The following CCDC3 variants were observed in gnomAD, a reference collection of about 807,000 sequenced individuals.
CCDC3 encodes the protein coiled-coil domain containing 3, also known as coiled-coil domain-containing protein 3.
A neutral mutation model predicts 21.4 loss-of-function variants in CCDC3; 24 were observed. That is an observed-to-expected ratio of 1.12 (90% CI 0.81 to 1.58). The LOEUF (loss-of-function observed/expected upper bound fraction) is 1.58. CCDC3 is among the 40% of genes most tolerant of loss of function. The probability of loss-of-function intolerance (pLI) is 0.00; values close to 1 mark genes in which losing one functional copy is unlikely to be tolerated. For synonymous variants in CCDC3, 186 were observed against 166.0 expected (o/e 1.12, Z -0.93); for missense variants, 425 against 360.9 (o/e 1.18, Z -1.44).
intron 2 of CCDC3, among the ~76,000 whole-genome samples, chr10:12,902,013 C>T (rs1261525521): frequency 6.6e-6 from 1 of 152,150 alleles, no homozygotes; most frequent in Non-Finnish European, 1.5e-5. Context: ...GTAATGTGTC[C>T]CCCTCCCCAG....
chr10:13,029,555 G>A (rs1836271135), intron 5 of CCDC3, among the ~76,000 whole-genome samples: 1 of 152,122 alleles, frequency 6.6e-6, no homozygotes, highest in Non-Finnish European at 1.5e-5. Flanking sequence ...GCTAAAGGAG[G>A]ATGTCCGAAC....
intron 3 of CCDC3, among the ~76,000 whole-genome samples, chr10:13,076,527 G>A (rs1307848757): frequency 6.6e-6 from 1 of 152,222 alleles, no homozygotes; most frequent in Non-Finnish European, 1.5e-5. Context: ...AGTGTTAGAA[G>A]TAATAGTTCC....
intron 5 of CCDC3, among the ~76,000 whole-genome samples, chr10:13,026,510 T>C (rs937635290): frequency 6.6e-6 from 1 of 152,230 alleles, no homozygotes; most frequent in African/African-American, 2.4e-5. Flanking sequence ...GTTTGAAGAA[T>C]ATGAGTGCTT....
At chr10:12,918,272 C>A (rs1289797079) in intron 2 of CCDC3, among the ~76,000 whole-genome samples, 2 of 152,066 alleles carry the variant, frequency 1.3e-5, no homozygotes, top group African/African-American at 2.4e-5. Context: ...TAGGATATTC[C>A]TTTTTCAAAA....
intron 3 of CCDC3, among the ~76,000 whole-genome samples, chr10:13,085,954 G>A (rs963142966): frequency 6.8e-6 from 1 of 146,604 alleles, no homozygotes; most frequent in Admixed American, 7.0e-5. Flanking sequence ...GTGACAGAGA[G>A]AGACTCCCTC....
intron 2 of CCDC3, among the ~76,000 whole-genome samples, chr10:12,964,108 C>G (rs944963624): frequency 1.3e-5 from 2 of 152,162 alleles, no homozygotes; most frequent in African/African-American, 4.8e-5. Context: ...AGCGGTGGCT[C>G]ATGCCTGTGA....
chr10:13,091,602 C>A (rs1009193501), intron 3 of CCDC3, among the ~76,000 whole-genome samples: 2 of 152,200 alleles, frequency 1.3e-5, no homozygotes, highest in African/African-American at 2.4e-5. Context: ...CTGCTACCCT[C>A]CATTCAGTCG....
intron 2 of CCDC3, among the ~76,000 whole-genome samples, chr10:12,933,928 C>T (rs1223260085): frequency 6.7e-6 from 1 of 150,328 alleles, no homozygotes; most frequent in Non-Finnish European, 1.5e-5. Context: ...TTTCTGTTTT[C>T]ACTTTCATTG....
At chr10:13,039,176 G>A (rs999155408) in intron 5 of CCDC3, among the ~76,000 whole-genome samples, 1 of 152,134 alleles carries the variant, frequency 6.6e-6, no homozygotes, top group South Asian at 2.1e-4. Flanking sequence ...AGCACTTTGG[G>A]AGGCCGAGGC....
At chr10:12,985,173 A>G (rs73583849) in intron 2 of CCDC3, among the ~76,000 whole-genome samples, 2,315 of 152,318 alleles carry the variant, frequency 0.015, 62 homozygotes, top group African/African-American at 0.053. Flanking sequence ...AGTTTGTGGC[A>G]TATAAATCGT....
chr10:13,061,569 C>T (rs997381529), intron 4 of CCDC3, among the ~76,000 whole-genome samples: 1 of 152,042 alleles, frequency 6.6e-6, no homozygotes, highest in Non-Finnish European at 1.5e-5. Flanking sequence ...GGGTGCAGCT[C>T]GGTTTTATAC....
rs373580749 is a variant in CCDC3 at position 13,061,917 on chromosome 10, A to C, written c.-270+11951T>G. ...CTCCTCAGGATTGGGAGGGCCTGGA[A>C]GAAAAAGATCTAGCTATGTTAACAG... is the stretch of plus-strand genomic sequence containing the variant. On this transcript the variant is annotated intron_variant, in intron 4 of 6. Transcript: ENST00000378839. 2.6e-5 allele frequency among the ~76,000 whole-genome samples: 4 copies of C among 152,312 alleles called. No homozygotes were observed. In the East Asian group the frequency reaches 7.7e-4, roughly 29 times the overall value.
At chr10:13,047,312 G>A (rs558769595) in intron 5 of CCDC3, among the ~76,000 whole-genome samples, 1 of 152,332 alleles carries the variant, frequency 6.6e-6, no homozygotes, top group East Asian at 1.9e-4. Flanking sequence ...ACTGGTAGGT[G>A]AGTCTCCATG....
chr10:13,014,051 T>C (rs1164952339), intron 5 of CCDC3, among the ~76,000 whole-genome samples: 3 of 151,978 alleles, frequency 2.0e-5, no homozygotes, highest in African/African-American at 7.3e-5. Flanking sequence ...CTCAGGATGC[T>C]GAGGCAGGAG....
intron 5 of CCDC3, among the ~76,000 whole-genome samples, chr10:13,022,320 A>G (rs959282905): frequency 6.6e-6 from 1 of 151,972 alleles, no homozygotes; most frequent in African/African-American, 2.4e-5. Flanking sequence ...GAGAATCCAG[A>G]TTTTTCTCTG....
At chr10:12,998,179 G>A (rs1271679989) in intron 2 of CCDC3, among the ~76,000 whole-genome samples, 159 bp downstream of exon 2, 1 of 152,160 alleles carries the variant, frequency 6.6e-6, no homozygotes, top group African/African-American at 2.4e-5. Context: ...TTAACAGCTG[G>A]GAGGTAAGGA....
At chr10:12,901,700 C>A (rs968772998) in intron 2 of CCDC3, among the ~76,000 whole-genome samples, 1 of 152,200 alleles carries the variant, frequency 6.6e-6, no homozygotes, top group Non-Finnish European at 1.5e-5. Context: ...CCCTCGTGCA[C>A]AGTAAACGTT....
At chr10:13,041,579 G>A (rs1305820036) in intron 5 of CCDC3, among the ~76,000 whole-genome samples, 1 of 131,586 alleles carries the variant, frequency 7.6e-6, no homozygotes, top group Non-Finnish European at 1.5e-5. Context: ...AGGCTGGAGT[G>A]CAATGGTGCA....
intron 2 of CCDC3, among the ~76,000 whole-genome samples, chr10:12,925,914 G>A (rs902575887): frequency 1.3e-5 from 2 of 152,262 alleles, no homozygotes; most frequent in Non-Finnish European, 2.9e-5. Context: ...AAAAGAACAG[G>A]CAGAACAAAA....
Sources: gnomAD v4.1 joint callset for allele counts (sites outside exome capture counted in the v4.1 genomes callset) on GRCh38, gnomAD v4.1.1 for gene constraint, MANE v1.5 for transcripts, NCBI Gene and HGNC (gene_info 2026-07-23, HGNC 2026-07-21) for gene names.